The following UBASH3B variants were observed in gnomAD, a reference collection of about 807,000 sequenced individuals.
The protein encoded by UBASH3B is ubiquitin-associated and SH3 domain-containing protein B.
In UBASH3B, 37 loss-of-function variants were observed where a neutral mutation model predicts 83.4. The ratio of observed to expected loss-of-function variants is 0.44; its 90% CI spans 0.34 to 0.58. The LOEUF (loss-of-function observed/expected upper bound fraction) is 0.58. Ranked by LOEUF, UBASH3B falls within the 20% of genes least tolerant of loss-of-function variation. UBASH3B has a pLI of 0.01. For synonymous variants in UBASH3B, 304 were observed against 318.3 expected, an observed-to-expected ratio of 0.96 and a Z score of 0.48; for missense variants, 657 against 827.2, an observed-to-expected ratio of 0.79 and a Z score of 2.52.
At chr11:122,724,467 G>A (rs376120358) in intron 1 of UBASH3B, among the ~76,000 whole-genome samples, 2 of 152,208 alleles carry the variant, frequency 1.3e-5, no homozygotes, top group East Asian at 3.8e-4. Context: ...TTCACAGTTT[G>A]CTGGGAGACA....
intron 1 of UBASH3B, among the ~76,000 whole-genome samples, chr11:122,734,011 T>C (rs145580604): frequency 6.0e-4 from 92 of 152,260 alleles, no homozygotes; most frequent in Non-Finnish European, 1.0e-3. Flanking sequence ...TCAGCCTCTT[T>C]AGTAGCTGAG....
At chr11:122,792,203 G>A (rs902510498) in intron 6 of UBASH3B, among the ~76,000 whole-genome samples, 3 of 151,884 alleles carry the variant, frequency 2.0e-5, no homozygotes, top group African/African-American at 2.4e-5. Context: ...TCACAGCTGC[G>A]ATAAAGAAAC....
intron 9 of UBASH3B, among the ~76,000 whole-genome samples, chr11:122,798,709 C>CAAA (rs11433996): frequency 2.6e-4 from 31 of 118,484 alleles, no homozygotes; most frequent in Admixed American, 4.4e-4. Context: ...GACTCCATCT[C>CAAA]AAAAAAAAAA....
chr11:122,810,803 T>C lies in UBASH3B; in HGVS notation c.*917T>C, dbSNP rs1359701970. On this transcript the variant is annotated 3_prime_UTR_variant, in exon 14 of 14. Transcript: ENST00000284273. ...TTAAGGATGTTACATTTTGAAAGGA[T>C]GTATGTTAGATATATTATTTGCAGC... 6.6e-6 allele frequency: 1 copy of C among 152,194 alleles called. No homozygotes were observed. The highest frequency in any genetic ancestry group is 2.4e-5 in the African/African-American group (1 of 41,434). The allele number at this position is 152,194 out of a possible 1,614,324, so 9.4% of individuals were successfully genotyped here.
intron 6 of UBASH3B, among the ~76,000 whole-genome samples, chr11:122,790,687 C>T (rs1255387406): frequency 6.6e-6 from 1 of 152,098 alleles, no homozygotes; most frequent in Non-Finnish European, 1.5e-5. Context: ...TGGCTCACAC[C>T]TGTAATCCCA....
intron 9 of UBASH3B, chr11:122,797,347 A>C (rs1861174143): frequency 4.6e-6 from 1 of 219,350 alleles, no homozygotes; most frequent in Non-Finnish European, 9.1e-6. Context: ...TCTGCCAAAC[A>C]TGGCTGTGGA....
chr11:122,772,462 G>C (rs1860661861), intron 1 of UBASH3B, among the ~76,000 whole-genome samples: 9 of 152,126 alleles, frequency 5.9e-5, no homozygotes, highest in Admixed American at 5.9e-4. Flanking sequence ...AGAAAGAAGG[G>C]AGAGGAGGGA....
chr11:122,687,703 C>T (rs928867228), intron 1 of UBASH3B, among the ~76,000 whole-genome samples: 2 of 152,106 alleles, frequency 1.3e-5, no homozygotes, highest in East Asian at 1.9e-4. Context: ...AAATGGGATC[C>T]GCATTTTAAT....
chr11:122,757,732 T>TTG (rs1861305120), intron 1 of UBASH3B, among the ~76,000 whole-genome samples: 1 of 106,754 alleles, frequency 9.4e-6, no homozygotes, highest in Non-Finnish European at 2.2e-5. Flanking sequence ...TTTTTTTTTT[T>TTG]GAGACAGAGT....
intron 1 of UBASH3B, among the ~76,000 whole-genome samples, chr11:122,671,107 C>G (rs74945602): frequency 0.01 from 1,535 of 152,146 alleles, 26 homozygotes; most frequent in African/African-American, 0.035. Flanking sequence ...GATGAGTGTT[C>G]TGAGGAGGGG....
intron 9 of UBASH3B, 133 bp downstream of exon 9, chr11:122,797,166 C>A: frequency 1.6e-6 from 2 of 1,255,356 alleles, no homozygotes; most frequent in Non-Finnish European, 1.1e-6. Flanking sequence ...TCAAAAGGAA[C>A]TTACTACACA....
chr11:122,797,174 A>C, intron 9 of UBASH3B, 141 bp downstream of exon 9: 1 of 1,195,600 alleles, frequency 8.4e-7, no homozygotes, highest in East Asian at 2.4e-5. Flanking sequence ...AACTTACTAC[A>C]CAACCATTAA....
chr11:122,718,456 C>A (rs949683975), intron 1 of UBASH3B, among the ~76,000 whole-genome samples: 1 of 152,078 alleles, frequency 6.6e-6, no homozygotes, highest in Non-Finnish European at 1.5e-5. Context: ...TTTGAATCTG[C>A]CATCTCCAGC....
intron 1 of UBASH3B, among the ~76,000 whole-genome samples, chr11:122,736,232 A>G (rs1431562028): frequency 6.6e-6 from 1 of 150,576 alleles, no homozygotes; most frequent in Admixed American, 6.6e-5. Context: ...AAAAACATCT[A>G]CTGCTAAAGC....
At chr11:122,732,277 C>A (rs1203355854) in intron 1 of UBASH3B, among the ~76,000 whole-genome samples, 3 of 152,216 alleles carry the variant, frequency 2.0e-5, no homozygotes, top group African/African-American at 4.8e-5. Context: ...CCAAGGCCGG[C>A]TGGCTGCTGG....
chr11:122,701,786 T>C (rs1302918429), intron 1 of UBASH3B, among the ~76,000 whole-genome samples: 1 of 152,208 alleles, frequency 6.6e-6, no homozygotes, highest in African/African-American at 2.4e-5. Flanking sequence ...GCAAACCATC[T>C]GCCTTTTCTG....
rs766470283 is a variant in UBASH3B, at chr11:122,656,010, G to T, written c.-40G>T. ...CTCCCTCCTCCTTCCCGAACCATCC[G>T]GCTCGGGCTCCTTCCCTGGCGATGG... On this transcript the variant is annotated 5_prime_UTR_variant, in exon 1 of 14. Coordinates refer to ENST00000284273, the MANE Select transcript of UBASH3B (RefSeq NM_032873.5). The T allele has an allele frequency of 2.8e-6, 4 of 1,420,296 alleles. No homozygotes were observed. The Admixed American group carries it at 9.0e-5, about 32-fold the overall frequency. 88.0% of individuals were successfully genotyped at this position (1,420,296 alleles called of 1,614,324 possible).
rs1381503604 is a variant in UBASH3B at position 122,792,349 on chromosome 11, C to CA, written c.981-2352dup. On this transcript the variant is annotated intron_variant, in intron 6 of 13. Coordinates refer to ENST00000284273, the MANE Select transcript of UBASH3B (RefSeq NM_032873.5). ...TTTAATTTTTTCTGAGATGGAGTCT[C>CA]ACTCTGTTGCCCAGGCTGGAGCACA... Among the ~76,000 whole-genome samples, 11 of 144,988 alleles carry CA rather than the reference C, an allele frequency of 7.6e-5. No homozygotes were observed. The South Asian group carries it at 2.4e-3, about 32-fold the overall frequency.
intron 1 of UBASH3B, among the ~76,000 whole-genome samples, chr11:122,692,254 T>C (rs1256717947): frequency 6.6e-6 from 1 of 152,316 alleles, no homozygotes; most frequent in Admixed American, 6.5e-5. Flanking sequence ...TTTACTGACC[T>C]CAACTCCAGG....
Sources: gnomAD v4.1 joint callset for allele counts (sites outside exome capture counted in the v4.1 genomes callset) on GRCh38, gnomAD v4.1.1 for gene constraint, MANE v1.5 for transcripts, NCBI Gene and HGNC (gene_info 2026-07-23, HGNC 2026-07-21) for gene names.